ROR2: variants seen among roughly 807,000 people sequenced by gnomAD.
ROR2 encodes ROR family WNT receptor 2, also known as tyrosine-protein kinase transmembrane receptor ROR2.
Under a neutral mutation model 74.9 loss-of-function variants are expected in ROR2, and 33 were observed. The observed-to-expected ratio is 0.44, with a 90% confidence interval of 0.33 to 0.59. ROR2 has a LOEUF of 0.59. ROR2 is among the 20% of genes least tolerant of loss of function. The pLI is 0.02. For synonymous variants in ROR2, 586 were observed against 558.7 expected (o/e 1.05, Z -0.69); for missense variants, 1,216 against 1,313.8 (o/e 0.93, Z 1.15).
chr9:91,796,815 G>A (rs1326332557), intron 1 of ROR2, among the ~76,000 whole-genome samples: 3 of 126,934 alleles, frequency 2.4e-5, no homozygotes, highest in African/African-American at 1.0e-4. Flanking sequence ...GACACCCTGG[G>A]ATCTGTGGGT....
intron 1 of ROR2, among the ~76,000 whole-genome samples, chr9:91,843,300 A>G (rs1025945875): frequency 4.6e-5 from 7 of 152,216 alleles, no homozygotes; most frequent in African/African-American, 7.2e-5. Flanking sequence ...CAGGAGCCCT[A>G]AAGTCAGTGG....
At chr9:91,780,972 T>C (rs1379178142) in intron 1 of ROR2, among the ~76,000 whole-genome samples, 1 of 152,234 alleles carries the variant, frequency 6.6e-6, no homozygotes, top group Non-Finnish European at 1.5e-5. Context: ...TGGTTTTGAT[T>C]TGCGTTTCTT....
chr9:91,829,754 G>C (rs1020213822), intron 1 of ROR2, among the ~76,000 whole-genome samples: 5 of 152,070 alleles, frequency 3.3e-5, no homozygotes, highest in African/African-American at 1.2e-4. Context: ...AGATCCATAC[G>C]AATCTTCATT....
At chr9:91,787,533 T>A (rs1283330893) in intron 1 of ROR2, among the ~76,000 whole-genome samples, 1 of 152,056 alleles carries the variant, frequency 6.6e-6, no homozygotes. Flanking sequence ...AAATCTTTCT[T>A]TTTATTTATT....
chr9:91,911,193 A>C (rs191666075), intron 1 of ROR2, among the ~76,000 whole-genome samples: 2 of 152,328 alleles, frequency 1.3e-5, no homozygotes, highest in East Asian at 3.9e-4. Context: ...GCTCTTTTTG[A>C]AAACAATGCA....
chr9:91,799,113 G>GT (rs1488149141), intron 1 of ROR2, among the ~76,000 whole-genome samples: 2 of 152,154 alleles, frequency 1.3e-5, no homozygotes, highest in Non-Finnish European at 2.9e-5. Context: ...GAATCCACCT[G>GT]TGTGTGGTGG....
intron 1 of ROR2, among the ~76,000 whole-genome samples, chr9:91,925,854 A>G (rs1831381920): frequency 6.6e-6 from 1 of 152,108 alleles, no homozygotes; most frequent in South Asian, 2.1e-4. Context: ...CCACCAACTG[A>G]CCTCAGAGAT....
intron 1 of ROR2, among the ~76,000 whole-genome samples, chr9:91,884,537 C>A (rs1361334416): frequency 2.6e-5 from 4 of 151,190 alleles, no homozygotes; most frequent in African/African-American, 7.3e-5. Flanking sequence ...ATTCTCCATT[C>A]CCCAATCCCC....
intron 1 of ROR2, among the ~76,000 whole-genome samples, chr9:91,818,438 A>ACCCCCCCCCCCCCCCCCCCCCCC (rs1404168540): frequency 6.8e-6 from 1 of 147,494 alleles, no homozygotes; most frequent in African/African-American, 2.5e-5. Flanking sequence ...ACAACCACCA[A>ACCCCCCCCCCCCCCCCCCCCCCC]CTCCCGCCCA....
intron 1 of ROR2, among the ~76,000 whole-genome samples, chr9:91,853,240 A>G (rs1829169340): frequency 6.6e-6 from 1 of 152,216 alleles, no homozygotes; most frequent in African/African-American, 2.4e-5. Context: ...AGAGGGCACC[A>G]GGACTCAACG....
intron 5 of ROR2, among the ~76,000 whole-genome samples, chr9:91,735,689 G>A (rs1204669982): frequency 1.6e-5 from 2 of 129,016 alleles, no homozygotes; most frequent in East Asian, 4.6e-4. Flanking sequence ...GCAGTGGCGC[G>A]ATCTGCAACT....
Position 91,858,185 on chromosome 9 carries a change from G to A in ROR2, c.98-82367C>T, listed in dbSNP as rs573874549. On this transcript the variant is annotated intron_variant, in intron 1 of 8. Transcript: ENST00000375708. ...CCCGAGTTCCTACAGCTTCCAACCTGGGCTCCTGTGCCCCACACCGAGGGC... is the reference window on the plus strand; with the variant it reads ...CCCGAGTTCCTACAGCTTCCAACCTAGGCTCCTGTGCCCCACACCGAGGGC... 1.2e-4 allele frequency among the ~76,000 whole-genome samples: 18 copies of A among 152,298 alleles called. No homozygotes were observed. In the South Asian group the frequency reaches 3.3e-3, roughly 28 times the overall value.
chr9:91,875,299 T>C (rs372754094), intron 1 of ROR2, among the ~76,000 whole-genome samples: 21 of 152,236 alleles, frequency 1.4e-4, no homozygotes, highest in African/African-American at 4.6e-4. Context: ...AAACATCTGG[T>C]AATAGGGAGT....
intron 1 of ROR2, among the ~76,000 whole-genome samples, chr9:91,924,390 G>A (rs1177212198): frequency 6.6e-6 from 1 of 152,254 alleles, no homozygotes; most frequent in Non-Finnish European, 1.5e-5. Context: ...TTCAAGGCCA[G>A]TGGCTTCTGC....
chr9:91,835,712 A>G (rs1255177503), intron 1 of ROR2, among the ~76,000 whole-genome samples: 1 of 152,196 alleles, frequency 6.6e-6, no homozygotes, highest in Non-Finnish European at 1.5e-5. Context: ...GGTGGGAGGG[A>G]AAAGCTACCA....
chr9:91,732,489 CCCA>C (rs1472508714), intron 6 of ROR2, among the ~76,000 whole-genome samples: 1 of 152,162 alleles, frequency 6.6e-6, no homozygotes, highest in Non-Finnish European at 1.5e-5. Context: ...TCCCTTAGGC[CCCA>C]CGATTCAGGG....
intron 1 of ROR2, among the ~76,000 whole-genome samples, chr9:91,904,017 T>TTTTTGA (rs1451738053): frequency 2.7e-5 from 4 of 150,542 alleles, no homozygotes; most frequent in African/African-American, 9.8e-5. Context: ...GTCATCCTTT[T>TTTTTGA]TTTTGATTTT....
chr9:91,949,496 G>A (rs998361527), intron 1 of ROR2, among the ~76,000 whole-genome samples: 1 of 151,934 alleles, frequency 6.6e-6, no homozygotes, highest in Non-Finnish European at 1.5e-5. Flanking sequence ...AGGAAGCCCG[G>A]GTCCTGGGAC....
intron 1 of ROR2, among the ~76,000 whole-genome samples, chr9:91,847,799 TC>T (rs1202068704): frequency 6.6e-6 from 1 of 151,874 alleles, no homozygotes; most frequent in Non-Finnish European, 1.5e-5. Flanking sequence ...AGAATCACAC[TC>T]CCCAGAACTC....
Sources: allele counts gnomAD v4.1 joint callset (sites outside exome capture counted in the v4.1 genomes callset), GRCh38; gene constraint gnomAD v4.1.1; transcripts MANE v1.5; gene names NCBI Gene and HGNC (gene_info 2026-07-23, HGNC 2026-07-21).